ZNF282: variants seen among roughly 807,000 people sequenced by gnomAD.
The protein encoded by ZNF282 is zinc finger protein 282, also known as HTLV-I U5 repressive element-binding protein 1.
ZNF282 carries 30 observed loss-of-function variants against 61.9 expected under a neutral mutation model. That is an observed-to-expected ratio of 0.48 (90% confidence interval 0.36 to 0.66). ZNF282 has a LOEUF of 0.66. Among genes scored for constraint, ZNF282 ranks in the 30% least tolerant of loss-of-function variants. The pLI, the probability that ZNF282 is intolerant of heterozygous loss-of-function variation, is 0.00. For synonymous variants in ZNF282, 396 were observed against 405.0 expected, an observed-to-expected ratio of 0.98 and a Z score of 0.27; for missense variants, 788 against 941.4, an observed-to-expected ratio of 0.84 and a Z score of 2.13.
intron 7 of ZNF282, among the ~76,000 whole-genome samples, chr7:149,216,408 T>C (rs977049996): frequency 6.6e-6 from 1 of 152,218 alleles, no homozygotes; most frequent in Non-Finnish European, 1.5e-5. Flanking sequence ...CCCGTTATTT[T>C]ATATTTGAAG....
chr7:149,224,396 C>A lies in ZNF282; in HGVS notation c.1765C>A (p.Leu589Met). The stretch of plus-strand genomic sequence containing the variant: ...GAAGACCTACAGCCGTAAGGAGCAC[C>A]TGCAGAACCACCAGCGGCTGCACAC... ...CEKTYSRKEHLQNHQRLHTGE... is the reference protein window; with the variant it reads ...CEKTYSRKEHMQNHQRLHTGE... The change falls in exon 8 of 8, where the codon CTG becomes ATG. Residue 589 changes from leucine (L) to methionine (M), a missense_variant. By Grantham distance (15) the Leu-to-Met change is conservative. Transcript: ENST00000610704. 1 of 1,614,064 alleles carries A rather than the reference C, an allele frequency of 6.2e-7. No homozygotes were observed. The highest frequency in any genetic ancestry group is 1.1e-5 in the South Asian group (1 of 91,092).
intron 4 of ZNF282, 77 bp from the exon 5 acceptor site, chr7:149,210,508 A>G: frequency 7.6e-6 from 12 of 1,576,866 alleles, no homozygotes; most frequent in Non-Finnish European, 9.5e-6. Flanking sequence ...AAGCAATGTC[A>G]TTCTCTGTTC....
chr7:149,204,269 G>A (rs1795959168), intron 2 of ZNF282, among the ~76,000 whole-genome samples: 1 of 152,216 alleles, frequency 6.6e-6, no homozygotes. Context: ...GGTCAGAATT[G>A]TTGAGGATTT....
chr7:149,217,746 G>A (rs890534661), intron 7 of ZNF282, among the ~76,000 whole-genome samples: 2 of 152,112 alleles, frequency 1.3e-5, no homozygotes, highest in Non-Finnish European at 2.9e-5. Flanking sequence ...AAAGGCCTCC[G>A]AGGGGAAGCG....
At chr7:149,218,208 G>T (rs1027318327) in intron 7 of ZNF282, among the ~76,000 whole-genome samples, 2 of 152,132 alleles carry the variant, frequency 1.3e-5, no homozygotes, top group South Asian at 2.1e-4. Context: ...TTGGCGGGGG[G>T]TGCGGAGCCA....
chr7:149,210,596 CT>C lies in ZNF282; in HGVS notation c.845del (p.Leu282ArgfsTer11). On this transcript the variant is annotated frameshift_variant, in exon 5 of 8. Transcript: ENST00000610704. LOFTEE classifies it high-confidence loss of function. ...PMDPEAGAEP[L>X]VPAQDASSQV... is the part of the protein sequence containing the mutation. ...TTCTCTGTCCCCAGGAGCAGAGCCC[CT>C]GGTGCCTGCGCAGGATGCGTCCTCC... 6.2e-7 allele frequency: 1 copy of C among 1,611,644 alleles called. No individual in the cohort carries two copies. The highest frequency in any genetic ancestry group is 8.5e-7 in the Non-Finnish European group (1 of 1,179,076).
At position 149,198,276 on chromosome 7, in the gene ZNF282, T is replaced by A. The variant is rs1795850603; in HGVS notation, c.166-57T>A. ...TAGTTGACCCCTGTTCCCAGCTGAC[T>A]TCCCCGGCTCACACAAGGTCTCATC... On this transcript the variant is annotated intron_variant, in intron 1 of 7. Coordinates refer to ENST00000610704, the MANE Select transcript of ZNF282 (RefSeq NM_003575.4). The surrounding 1 kb of genome is among the most constrained non-coding windows in gnomAD (Gnocchi z 4.3). 4.6e-6 allele frequency: 7 copies of A among 1,532,880 alleles called. No individual in the cohort carries two copies. The highest frequency in any genetic ancestry group is 6.1e-6 in the Non-Finnish European group (7 of 1,139,080). The allele number at this position is 1,532,880 out of a possible 1,614,324, so 95.0% of individuals were successfully genotyped here.
intron 4 of ZNF282, 82 bp downstream of exon 4, chr7:149,207,552 C>T (rs776380272): frequency 7.2e-6 from 11 of 1,525,248 alleles, no homozygotes; most frequent in Middle Eastern, 1.8e-4. Flanking sequence ...TGCCGCGAGG[C>T]GCCACTGTGT....
In ZNF282 at chr7:149,224,367, G is replaced by T. The variant is rs1444763043; in HGVS notation, c.1736G>T (p.Cys579Phe). 6.2e-7 allele frequency: 1 copy of T among 1,613,802 alleles called. No individual in the cohort carries two copies. Among genetic ancestry groups the T allele is most frequent in the Admixed American group, 1.7e-5 (1 of 59,990 alleles). The change falls in exon 8 of 8, where the codon TGC becomes TTC. Residue 579 changes from cysteine to phenylalanine, a missense_variant. Physicochemically the swap from Cys to Phe is radical, Grantham distance 205. Transcript: ENST00000610704. ...RGERPYKCSECEKTYSRKEHL... is the reference protein window; with the variant it reads ...RGERPYKCSEFEKTYSRKEHL... Reference sequence around the variant, plus strand: ...GAGCGGCCCTACAAGTGCTCGGAGTGCGAGAAGACCTACAGCCGTAAGGAG... The same window carrying T: ...GAGCGGCCCTACAAGTGCTCGGAGTTCGAGAAGACCTACAGCCGTAAGGAG...
At position 149,207,368 on chromosome 7, in the gene ZNF282, C is replaced by T. The variant is rs1440173470; in HGVS notation, c.730C>T (p.Pro244Ser). 1 of 1,587,286 alleles carries T rather than the reference C, an allele frequency of 6.3e-7. No homozygotes were observed. Among genetic ancestry groups the T allele is most frequent in the Non-Finnish European group, 8.6e-7 (1 of 1,165,188 alleles). ...ACTTCCAGACGCGGAGGGCTCAGTC[C>T]CCAAGCCAGATGCTCCAGTCCAGGC... Reference protein sequence around the residue: ...LMSLDAEGSVPKPDAPVQAEP... With the variant: ...LMSLDAEGSVSKPDAPVQAEP... The change falls in exon 4 of 8, where the codon CCC becomes TCC. Residue 244 changes from proline (P) to serine (S), a missense_variant. Pro to Ser is a moderately conservative substitution (Grantham distance 74). This residue lies in a region of ZNF282 where 559 missense variants were observed against 642.0 expected (regional missense o/e 0.87). Transcript: ENST00000610704.
At chr7:149,201,516 G>T (rs972485190) in intron 2 of ZNF282, among the ~76,000 whole-genome samples, 9 of 152,170 alleles carry the variant, frequency 5.9e-5, no homozygotes, top group Non-Finnish European at 1.0e-4. Context: ...ACTTTGGAAG[G>T]CCGGGCAGGT....
chr7:149,211,030 G>GT (rs1421840765), intron 5 of ZNF282, among the ~76,000 whole-genome samples: 2 of 152,326 alleles, frequency 1.3e-5, no homozygotes, highest in Middle Eastern at 3.4e-3. Flanking sequence ...GGCTTCATGG[G>GT]TGGGGGAACA....
chr7:149,218,636 G>T (rs890221951), intron 7 of ZNF282, among the ~76,000 whole-genome samples: 1 of 151,626 alleles, frequency 6.6e-6, no homozygotes, highest in African/African-American at 2.4e-5. Context: ...CCTGTAATTG[G>T]CCAAACCTCA....
chr7:149,214,468 G>A (rs1339947732), intron 7 of ZNF282, among the ~76,000 whole-genome samples: 1 of 152,112 alleles, frequency 6.6e-6, no homozygotes, highest in Admixed American at 6.6e-5. Context: ...GGAAGGGAGA[G>A]GGGCCGGGAG....
Position 149,224,772 on chromosome 7 carries a change from G to C in ZNF282, c.*125G>C. 1 of 1,404,404 alleles carries C rather than the reference G, an allele frequency of 7.1e-7. No homozygotes were observed. Among genetic ancestry groups the C allele is most frequent in the Non-Finnish European group, 9.3e-7 (1 of 1,072,262 alleles). 87.0% of individuals were successfully genotyped at this position (1,404,404 alleles called of 1,614,324 possible). A position where few individuals can be genotyped will look rare whatever the true frequency, so the allele number is the denominator to read the frequency against. On this transcript the variant is annotated 3_prime_UTR_variant, in exon 8 of 8. Transcript: ENST00000610704. Reference sequence around the variant, plus strand: ...CAACAGGCATTGCACTCCGGTTGGGGGTCCCCCAGGGTGGGGCAGGGATCC... The same window carrying C: ...CAACAGGCATTGCACTCCGGTTGGGCGTCCCCCAGGGTGGGGCAGGGATCC...
At chr7:149,207,827 G>C (rs1227955816) in intron 4 of ZNF282, among the ~76,000 whole-genome samples, 1 of 152,236 alleles carries the variant, frequency 6.6e-6, no homozygotes. Flanking sequence ...CGGCGCATGT[G>C]GGGTTTCGCC....
Position 149,223,879 on chromosome 7 carries a change from A to G in ZNF282, c.1248A>G (p.Pro416=). ...APPQPQPQPQ[P]PQPQLQSQPQ... is the part of the protein sequence containing the mutation. ...CACAGCCCCAGCCCCAGCCCCAGCC[A>G]CCGCAGCCGCAGCTGCAGTCGCAGC... The change falls in exon 8 of 8, where the codon CCA becomes CCG. Residue 416 remains proline (P), a synonymous_variant. Coordinates refer to ENST00000610704, the MANE Select transcript of ZNF282 (RefSeq NM_003575.4). 7.3e-7 allele frequency: 1 copy of G among 1,375,130 alleles called. No individual in the cohort carries two copies. The highest frequency in any genetic ancestry group is 9.5e-7 in the Non-Finnish European group (1 of 1,052,034). The allele number at this position is 1,375,130 out of a possible 1,614,324, so 85.2% of individuals were successfully genotyped here.
intron 2 of ZNF282, among the ~76,000 whole-genome samples, chr7:149,204,380 G>A (rs1795961154): frequency 6.6e-6 from 1 of 152,110 alleles, no homozygotes; most frequent in Admixed American, 6.5e-5. Context: ...TGGTGAAGAG[G>A]AAAAAACAGA....
At position 149,224,114 on chromosome 7, in the gene ZNF282, G is replaced by GGCTGTGGCA; in HGVS notation, c.1488_1496dup (p.Gly497_Cys499dup). 1 of 1,435,966 alleles carries GGCTGTGGCA rather than the reference G, an allele frequency of 7.0e-7. No homozygotes were observed. The highest frequency in any genetic ancestry group is 9.1e-7 in the Non-Finnish European group (1 of 1,099,560). The allele number at this position is 1,435,966 out of a possible 1,614,324, so 89.0% of individuals were successfully genotyped here. On this transcript the variant is annotated inframe_insertion, in exon 8 of 8. Coordinates refer to ENST00000610704, the MANE Select transcript of ZNF282 (RefSeq NM_003575.4). ...GGAGGCGGGGACGGGGGCAGGCGGC[G>GGCTGTGGCA]GCTGTGGCAGCTGCTGCCCTGGCGG...
Sources: allele counts gnomAD v4.1 joint callset (sites outside exome capture counted in the v4.1 genomes callset), GRCh38; gene constraint gnomAD v4.1.1; regional missense constraint gnomAD v4.1.1; non-coding constraint Gnocchi (gnomAD v3.1); transcripts MANE v1.5; gene names NCBI Gene and HGNC (gene_info 2026-07-23, HGNC 2026-07-21).